The following CHST9 variants were observed in gnomAD, a reference collection of about 807,000 sequenced individuals.
CHST9 encodes carbohydrate sulfotransferase 9.
A neutral mutation model predicts 44.4 loss-of-function variants in CHST9; 41 were observed. The ratio of observed to expected loss-of-function variants is 0.92; its 90% CI spans 0.72 to 1.20. The LOEUF is 1.20. Ranked by LOEUF, CHST9 falls within the 50% of genes most tolerant of loss-of-function variation. CHST9 has a pLI of 0.00. For missense variants in CHST9, 504 were observed against 516.5 expected, an observed-to-expected ratio of 0.98 and a Z score of 0.23; for synonymous variants, 171 against 178.4, an observed-to-expected ratio of 0.96 and a Z score of 0.33.
intron 4 of CHST9, among the ~76,000 whole-genome samples, chr18:26,993,482 A>G (rs1030910854): frequency 6.6e-6 from 1 of 152,212 alleles, no homozygotes; most frequent in Non-Finnish European, 1.5e-5. Context: ...GTGACTTTTT[A>G]TACTACCAAC....
At position 27,161,107 on chromosome 18, in the gene CHST9, T is replaced by C. The variant is rs1426056488; in HGVS notation, c.-96-18202A>G. ...TTGAAGGGTTTTTTGTGTCTCTATT[T>C]CCTTCAGTTCTGCTCTGATCTTAGT... On this transcript the variant is annotated intron_variant, in intron 1 of 5. Transcript: ENST00000618847. Among the ~76,000 whole-genome samples the C allele has an allele frequency of 2.0e-5, 3 of 152,302 alleles. No individual in the cohort carries two copies. The East Asian group carries it at 5.8e-4, about 29-fold the overall frequency.
chr18:26,948,686 C>G (rs1162221830), intron 4 of CHST9, among the ~76,000 whole-genome samples: 1 of 152,122 alleles, frequency 6.6e-6, no homozygotes, highest in African/African-American at 2.4e-5. Context: ...TGAACTGGGG[C>G]TAGTTACTTT....
chr18:27,109,293 C>A (rs1458419925), intron 2 of CHST9, among the ~76,000 whole-genome samples: 1 of 150,840 alleles, frequency 6.6e-6, no homozygotes, highest in Non-Finnish European at 1.5e-5. Context: ...TTTTTTTTTT[C>A]TCCCTGCAAA....
intron 1 of CHST9, among the ~76,000 whole-genome samples, chr18:27,168,356 G>A (rs1204922670): frequency 1.3e-5 from 2 of 152,100 alleles, no homozygotes; most frequent in African/African-American, 4.8e-5. Context: ...TTACAAGCGT[G>A]AGCCACCGCG....
intron 1 of CHST9, among the ~76,000 whole-genome samples, chr18:27,181,519 C>T (rs967048080): frequency 6.6e-6 from 1 of 152,142 alleles, no homozygotes; most frequent in African/African-American, 2.4e-5. Context: ...GCTATTCCTT[C>T]TCTTGGAAAG....
At chr18:27,156,294 C>A (rs2058698271) in intron 1 of CHST9, among the ~76,000 whole-genome samples, 2 of 151,878 alleles carry the variant, frequency 1.3e-5, no homozygotes, top group Admixed American at 6.6e-5. Flanking sequence ...AGTATCCCTC[C>A]CATTAGTTTG....
intron 2 of CHST9, among the ~76,000 whole-genome samples, chr18:27,130,908 C>T (rs1299907610): frequency 6.6e-6 from 1 of 152,008 alleles, no homozygotes; most frequent in Non-Finnish European, 1.5e-5. Context: ...GGAATACATG[C>T]ATGTGTTAAA....
intron 4 of CHST9, among the ~76,000 whole-genome samples, chr18:26,995,751 A>T (rs1348354688): frequency 6.6e-6 from 1 of 152,340 alleles, no homozygotes; most frequent in East Asian, 1.9e-4. Flanking sequence ...AAAACCTAGG[A>T]TGAAAGTTTT....
chr18:26,990,227 T>C (rs1014605296), intron 4 of CHST9, among the ~76,000 whole-genome samples: 5 of 152,082 alleles, frequency 3.3e-5, no homozygotes, highest in African/African-American at 9.7e-5. Context: ...ATTGGGGTGG[T>C]AGGGAAGGGT....
intron 3 of CHST9, among the ~76,000 whole-genome samples, chr18:27,032,855 A>C (rs1477916639): frequency 6.6e-6 from 1 of 152,226 alleles, no homozygotes; most frequent in African/African-American, 2.4e-5. Context: ...CAAGGATTCT[A>C]GTTTGGGTAG....
intron 1 of CHST9, among the ~76,000 whole-genome samples, chr18:27,169,731 C>T (rs1469867711): frequency 6.6e-6 from 1 of 151,364 alleles, no homozygotes; most frequent in South Asian, 2.1e-4. Flanking sequence ...CTCAGCCTCC[C>T]GAGCAGCTGG....
intron 2 of CHST9, among the ~76,000 whole-genome samples, chr18:27,072,299 T>G (rs1304909711): frequency 6.6e-6 from 1 of 152,160 alleles, no homozygotes. Flanking sequence ...CCTTAAAGCT[T>G]TCCTTCTGGC....
intron 4 of CHST9, among the ~76,000 whole-genome samples, chr18:26,977,146 T>C (rs556154716): frequency 1.3e-5 from 2 of 152,020 alleles, no homozygotes; most frequent in South Asian, 2.1e-4. Flanking sequence ...AAAATGTGCA[T>C]CTCTAAAGAA....
chr18:26,959,141 A>G (rs1300399785), intron 4 of CHST9, among the ~76,000 whole-genome samples: 1 of 152,260 alleles, frequency 6.6e-6, no homozygotes, highest in African/African-American at 2.4e-5. Flanking sequence ...CAGCCATGAA[A>G]AAATGAAACC....
At chr18:27,014,384 G>T (rs1276056326) in intron 4 of CHST9, among the ~76,000 whole-genome samples, 10 of 144,002 alleles carry the variant, frequency 6.9e-5, no homozygotes, top group Non-Finnish European at 1.2e-4. Flanking sequence ...AACCCGGGAG[G>T]CGGAGCTTGC....
intron 1 of CHST9, among the ~76,000 whole-genome samples, chr18:27,145,096 A>AG (rs1255777630): frequency 6.6e-6 from 1 of 152,236 alleles, no homozygotes; most frequent in Admixed American, 6.5e-5. Flanking sequence ...TTTCTTGATT[A>AG]GAAAAAAAAA....
rs141037466 is a variant in CHST9 at position 27,006,084 on chromosome 18, A to G, written c.202+18032T>C. 5.2e-4 allele frequency among the ~76,000 whole-genome samples: 79 copies of G among 152,278 alleles called. 2 individuals are homozygous for G. Among genetic ancestry groups the G allele is most frequent in the African/African-American group, 1.9e-3 (79 of 41,556 alleles). ...CCTGTACCACCATAGTCTTACTTCC[A>G]TCACCTTTTTACAGAGCTAGTTAAA... On this transcript the variant is annotated intron_variant, in intron 4 of 5. Coordinates refer to ENST00000618847, the MANE Select transcript of CHST9 (RefSeq NM_031422.6).
At chr18:27,064,722 T>TC (rs3084281) in intron 2 of CHST9, among the ~76,000 whole-genome samples, 4 of 151,840 alleles carry the variant, frequency 2.6e-5, no homozygotes, top group Admixed American at 2.6e-4. Context: ...CTCTGGCTAG[T>TC]CCAGAGACTT....
intron 2 of CHST9, among the ~76,000 whole-genome samples, chr18:27,052,218 T>TTA (rs2057574778): frequency 6.6e-6 from 1 of 151,958 alleles, no homozygotes; most frequent in African/African-American, 2.4e-5. Flanking sequence ...GATTTCTTAG[T>TTA]TATATATATG....
Sources: gnomAD v4.1 joint callset for allele counts (sites outside exome capture counted in the v4.1 genomes callset) on GRCh38, gnomAD v4.1.1 for gene constraint, MANE v1.5 for transcripts, NCBI Gene and HGNC (gene_info 2026-07-23, HGNC 2026-07-21) for gene names.